KIRREL3: variants seen among roughly 807,000 people sequenced by gnomAD.
KIRREL3 encodes the protein kirre like nephrin family adhesion molecule 3.
In KIRREL3, 36 loss-of-function variants were observed where a neutral mutation model predicts 89.7. That is an observed-to-expected ratio of 0.40 (90% CI 0.31 to 0.53). KIRREL3 has a LOEUF of 0.53. KIRREL3 is among the 20% of genes least tolerant of loss of function. The pLI is 0.49. For synonymous variants in KIRREL3, 445 were observed against 441.4 expected, an observed-to-expected ratio of 1.01 and a Z score of -0.10; for missense variants, 864 against 1,056.6, an observed-to-expected ratio of 0.82 and a Z score of 2.53.
In KIRREL3 at chr11:126,508,886, C is replaced by T. The variant is rs567868861; in HGVS notation, c.433+12429G>A. Among the ~76,000 whole-genome samples, 26 of 152,268 alleles carry T rather than the reference C, an allele frequency of 1.7e-4. No homozygotes were observed. The highest frequency in any genetic ancestry group is 6.0e-4 in the African/African-American group (25 of 41,548). On this transcript the variant is annotated intron_variant, in intron 4 of 16. Transcript: ENST00000525144. This position sits in a 1 kb window ranked among gnomAD's most constrained non-coding sequence, Gnocchi z 4.9. ...CAGTGCCTGTCATAGAGTGGCAGCTCACCAGCGTCACCCTTGCCCTTCTCT... is the reference window on the plus strand; with the variant it reads ...CAGTGCCTGTCATAGAGTGGCAGCTTACCAGCGTCACCCTTGCCCTTCTCT...
intron 1 of KIRREL3, among the ~76,000 whole-genome samples, chr11:126,998,741 A>G (rs954962125): frequency 2.6e-5 from 4 of 152,216 alleles, no homozygotes; most frequent in African/African-American, 7.2e-5. Context: ...GCCAATCTAC[A>G]TAAGTATCAC....
intron 1 of KIRREL3, among the ~76,000 whole-genome samples, chr11:126,836,469 G>A (rs1257633356): frequency 1.4e-5 from 1 of 73,888 alleles, no homozygotes; most frequent in South Asian, 7.5e-4. Flanking sequence ...AAGATGAACA[G>A]AGTGCCTGAA....
At chr11:126,765,571 AC>A (rs1949797436) in intron 1 of KIRREL3, among the ~76,000 whole-genome samples, 2 of 152,136 alleles carry the variant, frequency 1.3e-5, no homozygotes, top group African/African-American at 4.8e-5. Context: ...ATTATTTACT[AC>A]TACAGTTATT....
At chr11:126,825,491 A>G (rs1261163452) in intron 1 of KIRREL3, among the ~76,000 whole-genome samples, 1 of 152,212 alleles carries the variant, frequency 6.6e-6, no homozygotes, top group African/African-American at 2.4e-5. Context: ...TGTAATTTCA[A>G]GTAGTGATGA....
rs532919921 is a variant in KIRREL3 at position 126,495,742 on chromosome 11, C to T, written c.434-22276G>A. Among the ~76,000 whole-genome samples the T allele has an allele frequency of 6.6e-6, 1 of 152,262 alleles. No homozygotes were observed. The highest frequency in any genetic ancestry group is 2.1e-4 in the South Asian group (1 of 4,820). ...CCTCTCTGAGCCCATGTGGGCACTCCCTGCCCTTCTCACCGCTCTCCTTGT... is the reference window on the plus strand; with the variant it reads ...CCTCTCTGAGCCCATGTGGGCACTCTCTGCCCTTCTCACCGCTCTCCTTGT... On this transcript the variant is annotated intron_variant, in intron 4 of 16. Transcript: ENST00000525144. The surrounding 1 kb of genome is among the most constrained non-coding windows in gnomAD (Gnocchi z 6.5).
intron 1 of KIRREL3, among the ~76,000 whole-genome samples, chr11:126,746,186 T>G (rs1188565109): frequency 6.6e-6 from 1 of 152,184 alleles, no homozygotes; most frequent in African/African-American, 2.4e-5. Context: ...TATCCGGCAA[T>G]TTTGAAAAGA....
At chr11:126,984,716 C>A (rs934336581) in intron 1 of KIRREL3, among the ~76,000 whole-genome samples, 1 of 152,286 alleles carries the variant, frequency 6.6e-6, no homozygotes, top group Admixed American at 6.5e-5. Flanking sequence ...CCAAGCTCCC[C>A]GCACAAATTG....
rs1416460527 is a variant in KIRREL3 at position 126,456,345 on chromosome 11, T to A, written c.848+4A>T. On this transcript the variant is annotated splice_donor_region_variant and intron_variant, in intron 7 of 16. Coordinates refer to ENST00000525144, the MANE Select transcript of KIRREL3 (RefSeq NM_032531.4). ...GGCCGGGCCCCCTCAGCAGTGACTC[T>A]CACCTGTACTGGGTGACAGCTGGGT... 6.4e-7 allele frequency: 1 copy of A among 1,571,290 alleles called. No homozygotes were observed. Among genetic ancestry groups the A allele is most frequent in the Non-Finnish European group, 8.6e-7 (1 of 1,156,878 alleles).
rs1456388262 is a variant in KIRREL3, at chr11:126,764,887, CA to C, written c.56-201976del. On this transcript the variant is annotated intron_variant, in intron 1 of 16. Transcript: ENST00000525144. This position sits in a 1 kb window ranked among gnomAD's most constrained non-coding sequence, Gnocchi z 4.2. Reference sequence around the variant, plus strand: ...CTCTACTCTCGGCCTGGATCCTCTTCAATGAACCACCTATGTGTCACTTATG... The same window carrying C: ...CTCTACTCTCGGCCTGGATCCTCTTCATGAACCACCTATGTGTCACTTATG... 2.6e-5 allele frequency among the ~76,000 whole-genome samples: 4 copies of C among 152,216 alleles called. No homozygotes were observed. The highest frequency in any genetic ancestry group is 5.9e-5 in the Non-Finnish European group (4 of 68,038).
chr11:126,688,756 A>G (rs1037503579), intron 1 of KIRREL3, among the ~76,000 whole-genome samples: 8 of 152,170 alleles, frequency 5.3e-5, no homozygotes, highest in African/African-American at 1.9e-4. Context: ...GTTTTCTGTA[A>G]GAAGGGAAAT....
rs550885117 is a variant in KIRREL3 at position 126,593,929 on chromosome 11, C to A, written c.56-31017G>T. On this transcript the variant is annotated intron_variant, in intron 1 of 16. Coordinates refer to ENST00000525144, the MANE Select transcript of KIRREL3 (RefSeq NM_032531.4). ...TGCAATACAACTGTCCCCCTCCACC[C>A]AGAGGGCAAGGCCAGGTCTGTACTC... is the stretch of plus-strand genomic sequence containing the variant. 2.1e-4 allele frequency among the ~76,000 whole-genome samples: 32 copies of A among 152,298 alleles called. No individual in the cohort carries two copies. The South Asian group carries it at 6.6e-3, about 32-fold the overall frequency.
At position 126,768,022 on chromosome 11, in the gene KIRREL3, G is replaced by C. The variant is rs564156409; in HGVS notation, c.56-205110C>G. On this transcript the variant is annotated intron_variant, in intron 1 of 16. Transcript: ENST00000525144. This position sits in a 1 kb window ranked among gnomAD's most constrained non-coding sequence, Gnocchi z 4.5. ...CATGACATCCAAAGCCCTGTGTTCT[G>C]CTTCTGAAATGTCTCTCCATCCTCA... Among the ~76,000 whole-genome samples, 1 of 152,198 alleles carries C rather than the reference G, an allele frequency of 6.6e-6. No homozygotes were observed. The highest frequency in any genetic ancestry group is 1.5e-5 in the Non-Finnish European group (1 of 68,034).
At position 126,544,477 on chromosome 11, in the gene KIRREL3, T is replaced by A. The variant is rs1326736012; in HGVS notation, c.134-17790A>T. Among the ~76,000 whole-genome samples, 1 of 152,182 alleles carries A rather than the reference T, an allele frequency of 6.6e-6. No individual in the cohort carries two copies. The highest frequency in any genetic ancestry group is 2.4e-5 in the African/African-American group (1 of 41,450). On this transcript the variant is annotated intron_variant, in intron 2 of 16. Transcript: ENST00000525144. The surrounding 1 kb of genome is among the most constrained non-coding windows in gnomAD (Gnocchi z 5.6). ...TGTTTTGCAGAGTTGGCTGGCAGAC[T>A]GCTTCCTTCCCTTGATTTATTGCAG...
rs898675278 is a variant in KIRREL3, at chr11:126,683,861, C to T, written c.56-120949G>A. On this transcript the variant is annotated intron_variant, in intron 1 of 16. Coordinates refer to ENST00000525144, the MANE Select transcript of KIRREL3 (RefSeq NM_032531.4). This position sits in a 1 kb window ranked among gnomAD's most constrained non-coding sequence, Gnocchi z 5.2. ...TGAAACCCTCGCCAGGCCCCAGACGCGCGTGGGTCCACCTACCGTCCATCT... is the reference window on the plus strand; with the variant it reads ...TGAAACCCTCGCCAGGCCCCAGACGTGCGTGGGTCCACCTACCGTCCATCT... 9.2e-5 allele frequency among the ~76,000 whole-genome samples: 14 copies of T among 152,230 alleles called. No individual in the cohort carries two copies. Among genetic ancestry groups the T allele is most frequent in the East Asian group, 3.8e-4 (2 of 5,196 alleles).
intron 1 of KIRREL3, among the ~76,000 whole-genome samples, chr11:126,625,411 A>C (rs604323): frequency 0.92 from 140,504 of 152,244 alleles, 65,027 homozygotes; most frequent in East Asian, 1. Context: ...TGTAAGGAAT[A>C]AATTATTCCC....
Position 126,808,687 on chromosome 11 carries a change from C to A in KIRREL3, c.55+191768G>T, listed in dbSNP as rs946730395. ...TAAATGCTGAATTGTATTTTGGGGT[C>A]TGAGTTTTGTCATGCAAACGAAGAA... On this transcript the variant is annotated intron_variant, in intron 1 of 16. Transcript: ENST00000525144. The surrounding 1 kb of genome is among the most constrained non-coding windows in gnomAD (Gnocchi z 4.1). Among the ~76,000 whole-genome samples, 1 of 152,172 alleles carries A rather than the reference C, an allele frequency of 6.6e-6. No homozygotes were observed. The highest frequency in any genetic ancestry group is 1.5e-5 in the Non-Finnish European group (1 of 68,034).
In KIRREL3 at chr11:126,486,773, C is replaced by T. The variant is rs961068558; in HGVS notation, c.434-13307G>A. On this transcript the variant is annotated intron_variant, in intron 4 of 16. Transcript: ENST00000525144. The surrounding 1 kb of genome is among the most constrained non-coding windows in gnomAD (Gnocchi z 6.2). ...ATCCTGCTGCCCCAACCACTCAGTCCTAACTGCGGTACCATAGGCTGTGCT... is the reference window on the plus strand; with the variant it reads ...ATCCTGCTGCCCCAACCACTCAGTCTTAACTGCGGTACCATAGGCTGTGCT... Among the ~76,000 whole-genome samples, 4 of 152,216 alleles carry T rather than the reference C, an allele frequency of 2.6e-5. No homozygotes were observed. Among genetic ancestry groups the T allele is most frequent in the African/African-American group, 9.6e-5 (4 of 41,458 alleles).
Position 126,668,693 on chromosome 11 carries a change from T to TTTTCTTTC in KIRREL3, c.56-105789_56-105782dup, listed in dbSNP as rs57753203. 0.061 allele frequency among the ~76,000 whole-genome samples: 7,764 copies of TTTTCTTTC among 126,544 alleles called. 322 individuals carry two copies. Among genetic ancestry groups the TTTTCTTTC allele is most frequent in the Middle Eastern group, 0.085 (22 of 260 alleles). The allele number at this position is 126,544 out of a possible 152,430, so 83.0% of individuals were successfully genotyped here. ...TAAAGAGCTGTTGGGAAGTTTCTGT[T>TTTTCTTTC]TTTCTTTCTTTCTTTCTTTCTTTCT... On this transcript the variant is annotated intron_variant, in intron 1 of 16. Transcript: ENST00000525144. The surrounding 1 kb of genome is among the most constrained non-coding windows in gnomAD (Gnocchi z 4.4).
At chr11:126,938,227 A>G (rs1793675) in intron 1 of KIRREL3, among the ~76,000 whole-genome samples, 134,786 of 152,270 alleles carry the variant, frequency 0.89, 59,850 homozygotes, top group Middle Eastern at 0.96. Flanking sequence ...TCAAACCAAC[A>G]TCAAAATGCC....
Sources: gnomAD v4.1 joint callset for allele counts (sites outside exome capture counted in the v4.1 genomes callset) on GRCh38, gnomAD v4.1.1 for gene constraint, Gnocchi (gnomAD v3.1) non-coding constraint, MANE v1.5 for transcripts, NCBI Gene and HGNC (gene_info 2026-07-23, HGNC 2026-07-21) for gene names.